The following MTF1 variants were observed in gnomAD, a reference collection of about 807,000 sequenced individuals.
MTF1 encodes the protein metal regulatory transcription factor 1, also known as MRE-binding transcription factor.
MTF1 carries 22 observed loss-of-function variants against 70.4 expected under a neutral mutation model. The observed-to-expected ratio is 0.31, with a 90% CI of 0.22 to 0.45. The LOEUF (loss-of-function observed/expected upper bound fraction) is 0.45. Among genes scored for constraint, MTF1 ranks in the 20% least tolerant of loss-of-function variants. MTF1 has a pLI of 1.00. For synonymous variants in MTF1, 333 were observed against 352.8 expected (o/e 0.94, Z 0.63); for missense variants, 649 against 922.0 (o/e 0.70, Z 3.83).
At chr1:37,834,674 A>G (rs1018130283) in intron 6 of MTF1, 1 of 459,458 alleles carries the variant, frequency 2.2e-6, no homozygotes, top group Admixed American at 2.3e-5. Flanking sequence ...ACAACAGTAG[A>G]CTGAATGAAG....
Position 37,822,261 on chromosome 1 carries a change from CAG to C in MTF1, c.1625_1626del (p.Ser542CysfsTer4). Reference sequence around the variant, plus strand: ...GTTATTGTGGGATTATTAGTTAGGACAGAGTTGGCACCCAGGGGCAGAGTCTG... The same window carrying C: ...GTTATTGTGGGATTATTAGTTAGGACAGTTGGCACCCAGGGGCAGAGTCTG... ...MVQTLPLGAN[S>X]VLTNNPTITI... On this transcript the variant is annotated frameshift_variant, in exon 9 of 11. Transcript: ENST00000373036. LOFTEE classifies it high-confidence loss of function. 6.2e-7 allele frequency: 1 copy of C among 1,614,120 alleles called. No homozygotes were observed. Among genetic ancestry groups the C allele is most frequent in the Non-Finnish European group, 8.5e-7 (1 of 1,180,026 alleles).
At chr1:37,826,468 T>G (rs1641002794) in intron 7 of MTF1, 8 of 396,916 alleles carry the variant, frequency 2.0e-5, no homozygotes, top group South Asian at 1.2e-4. Context: ...TTATTTTTAG[T>G]AGAGATAAGG....
intron 2 of MTF1, among the ~76,000 whole-genome samples, chr1:37,848,389 T>A (rs982023744): frequency 6.6e-6 from 1 of 152,206 alleles, no homozygotes; most frequent in Non-Finnish European, 1.5e-5. Context: ...CAAGGCCACA[T>A]AGCTAGTACA....
At chr1:37,829,380 G>A (rs1569858521) in intron 7 of MTF1, among the ~76,000 whole-genome samples, 1 of 151,872 alleles carries the variant, frequency 6.6e-6, no homozygotes, top group Admixed American at 6.6e-5. Context: ...TGCCCAGACT[G>A]GTCTCAAACT....
intron 2 of MTF1, chr1:37,841,521 C>A: frequency 5.9e-6 from 1 of 168,834 alleles, no homozygotes; most frequent in East Asian, 1.6e-4. Flanking sequence ...CCAAAGCCAC[C>A]CTTTAGGCCA....
intron 7 of MTF1, among the ~76,000 whole-genome samples, chr1:37,829,297 A>G (rs1641049688): frequency 2.0e-5 from 3 of 151,726 alleles, no homozygotes; most frequent in African/African-American, 7.3e-5. Context: ...TAAAAAAAAT[A>G]TTTTTATTAG....
At chr1:37,827,201 T>C (rs1641015121) in intron 7 of MTF1, among the ~76,000 whole-genome samples, 1 of 152,158 alleles carries the variant, frequency 6.6e-6, no homozygotes, top group South Asian at 2.1e-4. Flanking sequence ...TGATTTTTTT[T>C]CTATTCTATT....
intron 2 of MTF1, among the ~76,000 whole-genome samples, chr1:37,845,507 T>C (rs977618039): frequency 6.6e-6 from 1 of 152,180 alleles, no homozygotes; most frequent in Non-Finnish European, 1.5e-5. Context: ...TATTGATTGA[T>C]TGACAGATTG....
Position 37,815,216 on chromosome 1 carries a change from T to C in MTF1, c.2182A>G (p.Thr728Ala). 3 of 1,614,034 alleles carry C rather than the reference T, an allele frequency of 1.9e-6. No individual in the cohort carries two copies. Among genetic ancestry groups the C allele is most frequent in the Non-Finnish European group, 2.5e-6 (3 of 1,180,000 alleles). Residue 728 changes from threonine (T) to alanine (A), a missense_variant, in exon 11 of 11, where the codon ACC (threonine) becomes GCC (alanine). By Grantham distance (58) the Thr-to-Ala change is moderately conservative. Coordinates refer to ENST00000373036, the MANE Select transcript of MTF1 (RefSeq NM_005955.3). This position sits in a 1 kb window ranked among gnomAD's most constrained non-coding sequence, Gnocchi z 4.5. ...TCAATGGGAATCAGATTGGACGGGG[T>C]GTCCAGGCTCTGGAGGGATAGAAAC... ...SEFLSLQSLD[T>A]PSNLIPIEAL...
intron 7 of MTF1, among the ~76,000 whole-genome samples, chr1:37,824,325 TA>T (rs1640967846): frequency 6.6e-6 from 1 of 152,210 alleles, no homozygotes; most frequent in Non-Finnish European, 1.5e-5. Context: ...CAACAAAGCC[TA>T]AAATATTTAC....
intron 10 of MTF1, among the ~76,000 whole-genome samples, chr1:37,816,221 T>C (rs556664958): frequency 6.6e-6 from 1 of 152,312 alleles, no homozygotes; most frequent in South Asian, 2.1e-4. Flanking sequence ...GCTTTGTGTG[T>C]CTTGACAGAG....
In MTF1 at chr1:37,859,563, G is replaced by C. The variant is rs1040442954; in HGVS notation, c.-84C>G. ...GCTCCCGGCAACGGCGGCAGCAGCA[G>C]CTTCTCCCCTCCCCAGCGGCACCAT... On this transcript the variant is annotated 5_prime_UTR_variant, in exon 1 of 11. Transcript: ENST00000373036. 2.5e-6 allele frequency: 1 copy of C among 398,970 alleles called. No individual in the cohort carries two copies. Among genetic ancestry groups the C allele is most frequent in the Non-Finnish European group, 4.4e-6 (1 of 226,454 alleles). The allele number at this position is 398,970 out of a possible 1,614,324, so 24.7% of individuals were successfully genotyped here. A position where few individuals can be genotyped will look rare whatever the true frequency, so the allele number is the denominator to read the frequency against.
At chr1:37,816,370 C>T (rs1383597050) in intron 10 of MTF1, among the ~76,000 whole-genome samples, 5 of 152,042 alleles carry the variant, frequency 3.3e-5, no homozygotes, top group Non-Finnish European at 7.4e-5. Context: ...GACTCTGTCT[C>T]TACACATAAT....
intron 2 of MTF1, among the ~76,000 whole-genome samples, chr1:37,856,467 C>CATGAGCCA (rs1641496440): frequency 6.8e-6 from 1 of 147,968 alleles, no homozygotes; most frequent in Non-Finnish European, 1.5e-5. Flanking sequence ...GGATTACAGG[C>CATGAGCCA]ATGAGCCACT....
chr1:37,842,193 G>A (rs1021935111), intron 2 of MTF1, among the ~76,000 whole-genome samples: 2 of 152,098 alleles, frequency 1.3e-5, no homozygotes, highest in African/African-American at 4.8e-5. Context: ...ACTTGAGTCT[G>A]GAAGGCTGAG....
chr1:37,836,375 T>A (rs1372460675), intron 4 of MTF1, among the ~76,000 whole-genome samples: 2 of 152,140 alleles, frequency 1.3e-5, no homozygotes. Flanking sequence ...CAGTGGAACA[T>A]TAGGAATATC....
intron 4 of MTF1, among the ~76,000 whole-genome samples, chr1:37,837,342 C>T (rs1641185517): frequency 6.6e-6 from 1 of 152,142 alleles, no homozygotes; most frequent in Non-Finnish European, 1.5e-5. Context: ...CAGACATAAG[C>T]CCAGCCCACA....
chr1:37,843,773 G>T (rs1641292022), intron 2 of MTF1, among the ~76,000 whole-genome samples: 1 of 152,186 alleles, frequency 6.6e-6, no homozygotes, highest in Admixed American at 6.5e-5. Context: ...TAACTGGATG[G>T]ATTTGGCCTG....
chr1:37,825,608 C>G (rs1203187518), intron 7 of MTF1, among the ~76,000 whole-genome samples: 2 of 152,116 alleles, frequency 1.3e-5, no homozygotes, highest in African/African-American at 4.8e-5. Context: ...CCTTGAACAA[C>G]ATGCATTTGA....
Sources: gnomAD v4.1 joint callset for allele counts (sites outside exome capture counted in the v4.1 genomes callset) on GRCh38, gnomAD v4.1.1 for gene constraint, Gnocchi (gnomAD v3.1) non-coding constraint, MANE v1.5 for transcripts, NCBI Gene and HGNC (gene_info 2026-07-23, HGNC 2026-07-21) for gene names.